SFSWAP: variants seen among roughly 807,000 people sequenced by gnomAD.
The protein encoded by SFSWAP is splicing factor SWAP.
A neutral mutation model predicts 100.7 loss-of-function variants in SFSWAP; 17 were observed. That is an observed-to-expected ratio of 0.17 (90% CI 0.12 to 0.25). The LOEUF is 0.25. Ranked by LOEUF, SFSWAP falls within the 10% of genes least tolerant of loss-of-function variation. SFSWAP has a pLI of 1.00. For synonymous variants in SFSWAP, 504 were observed against 510.1 expected (o/e 0.99, Z 0.16); for missense variants, 1,005 against 1,262.6 (o/e 0.80, Z 3.09).
At position 131,714,974 on chromosome 12, in the gene SFSWAP, A is replaced by G. The variant is rs1182867487; in HGVS notation, c.520+21A>G. 31 of 1,613,142 alleles carry G rather than the reference A, an allele frequency of 1.9e-5. No homozygotes were observed. The highest frequency in any genetic ancestry group is 2.5e-5 in the Non-Finnish European group (30 of 1,179,882). ...GAGAGGTGAGTGGGGAGCTGCCTGG[A>G]CTGCTGGTGTAGGGCTACACGTGTA... On this transcript the variant is annotated intron_variant, in intron 3 of 17. Transcript: ENST00000261674. This position sits in a 1 kb window ranked among gnomAD's most constrained non-coding sequence, Gnocchi z 6.0.
In SFSWAP at chr12:131,734,484, A is replaced by C. The variant is rs921095754; in HGVS notation, c.1081+6056A>C. On this transcript the variant is annotated intron_variant, in intron 7 of 17. Coordinates refer to ENST00000261674, the MANE Select transcript of SFSWAP (RefSeq NM_004592.4). This position sits in a 1 kb window ranked among gnomAD's most constrained non-coding sequence, Gnocchi z 4.9. Reference sequence around the variant, plus strand: ...CTCCCTGCTTGTAAGCCGGGGCCGCATTGTTGTGTTACCACACTTCTGTTT... The same window carrying C: ...CTCCCTGCTTGTAAGCCGGGGCCGCCTTGTTGTGTTACCACACTTCTGTTT... Among the ~76,000 whole-genome samples the C allele has an allele frequency of 6.6e-6, 1 of 152,268 alleles. No individual in the cohort carries two copies. Among genetic ancestry groups the C allele is most frequent in the Admixed American group, 6.5e-5 (1 of 15,300 alleles).
Position 131,714,503 on chromosome 12 carries a change from T to C in SFSWAP, c.388+263T>C. ...AACCAAACTCTTTAACTGTTCTTCTTTAACAGTATCGTATAAATAAAATTG... is the reference window on the plus strand; with the variant it reads ...AACCAAACTCTTTAACTGTTCTTCTCTAACAGTATCGTATAAATAAAATTG... On this transcript the variant is annotated intron_variant, in intron 2 of 17. Coordinates refer to ENST00000261674, the MANE Select transcript of SFSWAP (RefSeq NM_004592.4). The surrounding 1 kb of genome is among the most constrained non-coding windows in gnomAD (Gnocchi z 6.0). The C allele has an allele frequency of 2.0e-6, 1 of 490,202 alleles. No homozygotes were observed. Among genetic ancestry groups the C allele is most frequent in the South Asian group, 2.9e-5 (1 of 35,016 alleles). 30.4% of individuals were successfully genotyped at this position (490,202 alleles called of 1,614,324 possible).
At chr12:131,731,604 T>G (rs562640899) in intron 7 of SFSWAP, among the ~76,000 whole-genome samples, 1 of 152,330 alleles carries the variant, frequency 6.6e-6, no homozygotes, top group East Asian at 1.9e-4. Context: ...AATCAGTCAT[T>G]GATAACAGCA....
rs775230399 is a variant in SFSWAP, at chr12:131,714,101, T to C, written c.249T>C (p.Leu83=). Residue 83 remains leucine, a synonymous_variant, in exon 2 of 18, where the codon CTT becomes CTC. Transcript: ENST00000261674. The surrounding 1 kb of genome is among the most constrained non-coding windows in gnomAD (Gnocchi z 6.0). ...RYDGRGHLHD[L]SEYDAEYSTW... is the part of the protein sequence containing the mutation. ...ATGGACGTGGTCACCTGCATGACCT[T>C]TCTGAGTACGATGCTGAGTATTCCA... is the stretch of plus-strand genomic sequence containing the variant. 1 of 1,613,912 alleles carries C rather than the reference T, an allele frequency of 6.2e-7. No homozygotes were observed. Among genetic ancestry groups the C allele is most frequent in the South Asian group, 1.1e-5 (1 of 91,066 alleles).
chr12:131,771,650 C>CTTTTTT lies in SFSWAP; in HGVS notation c.2142+5359_2142+5364dup, dbSNP rs398021691. On this transcript the variant is annotated intron_variant, in intron 13 of 17. Transcript: ENST00000261674. ...ACACTGAGTCATTTTGCTAATGTCT[C>CTTTTTT]TTTTTTTTTTTTTTTTTTTTTTGAG... is the stretch of plus-strand genomic sequence containing the variant. 3.4e-3 allele frequency among the ~76,000 whole-genome samples: 289 copies of CTTTTTT among 86,100 alleles called. 7 individuals are homozygous for CTTTTTT. Among genetic ancestry groups the CTTTTTT allele is most frequent in the African/African-American group, 0.011 (274 of 24,406 alleles). The allele number at this position is 86,100 out of a possible 152,430, so 56.5% of individuals were successfully genotyped here.
At chr12:131,735,919 A>G (rs1879973086) in intron 7 of SFSWAP, among the ~76,000 whole-genome samples, 1 of 152,274 alleles carries the variant, frequency 6.6e-6, no homozygotes, top group Admixed American at 6.5e-5. Context: ...ATAAATTTTC[A>G]TCAAACACAT....
At chr12:131,735,243 G>T (rs1449788253) in intron 7 of SFSWAP, among the ~76,000 whole-genome samples, 1 of 152,146 alleles carries the variant, frequency 6.6e-6, no homozygotes, top group Admixed American at 6.5e-5. Flanking sequence ...ATCCCTACAC[G>T]CCCGCGCCTG....
rs773504515 is a variant in SFSWAP at position 131,725,380 on chromosome 12, C to T, written c.607-25C>T. 3.2e-6 allele frequency: 5 copies of T among 1,568,734 alleles called. No homozygotes were observed. Among genetic ancestry groups the T allele is most frequent in the East Asian group, 2.3e-5 (1 of 43,796 alleles). Reference sequence around the variant, plus strand: ...GGTGGACAAGAGGACAAATGGGTGACGTGAATATGTGTGTTTTCCCGTAGC... The same window carrying T: ...GGTGGACAAGAGGACAAATGGGTGATGTGAATATGTGTGTTTTCCCGTAGC... On this transcript the variant is annotated intron_variant, in intron 4 of 17. Coordinates refer to ENST00000261674, the MANE Select transcript of SFSWAP (RefSeq NM_004592.4). The surrounding 1 kb of genome is among the most constrained non-coding windows in gnomAD (Gnocchi z 4.3).
rs1240401484 is a variant in SFSWAP at position 131,753,295 on chromosome 12, C to T, written c.1254C>T (p.Thr418=). 8 of 1,612,396 alleles carry T rather than the reference C, an allele frequency of 5.0e-6. No individual in the cohort carries two copies. The highest frequency in any genetic ancestry group is 6.8e-6 in the Non-Finnish European group (8 of 1,178,606). The part of the protein sequence containing the change: ...VTTTAPPPPG[T]TPLPPPTTAE... ...CCACCGCCCCACCACCTCCTGGGAC[C>T]ACACCACTACCGCCCCCAACCACAG... The change falls in exon 8 of 18, where the codon ACC becomes ACT. Residue 418 remains threonine, a synonymous_variant. Coordinates refer to ENST00000261674, the MANE Select transcript of SFSWAP (RefSeq NM_004592.4).
Position 131,787,813 on chromosome 12 carries a change from C to T in SFSWAP, c.2534+1225C>T, listed in dbSNP as rs146332812. On this transcript the variant is annotated intron_variant, in intron 15 of 17. Coordinates refer to ENST00000261674, the MANE Select transcript of SFSWAP (RefSeq NM_004592.4). ...CCCCACAGCACCCTGGGCAAGAAGACCGTGCTGCGGTTGGCCTAGTACCAC... is the reference window on the plus strand; with the variant it reads ...CCCCACAGCACCCTGGGCAAGAAGATCGTGCTGCGGTTGGCCTAGTACCAC... Among the ~76,000 whole-genome samples the T allele has an allele frequency of 1.0e-3, 152 of 152,324 alleles. No individual in the cohort carries two copies. The Middle Eastern group carries it at 0.048, about 48-fold the overall frequency.
At chr12:131,791,409 T>G (rs949187465) in intron 15 of SFSWAP, among the ~76,000 whole-genome samples, 6 of 151,116 alleles carry the variant, frequency 4.0e-5, no homozygotes, top group Non-Finnish European at 7.4e-5. Context: ...AAACGAAACT[T>G]TTCCACCAAA....
chr12:131,797,524 A>T (rs1024685743), intron 16 of SFSWAP, among the ~76,000 whole-genome samples, 164 bp downstream of exon 16: 3 of 152,230 alleles, frequency 2.0e-5, no homozygotes, highest in African/African-American at 7.2e-5. Context: ...GTCGCCCTAG[A>T]TGTGGCTTCT....
Position 131,711,620 on chromosome 12 carries a change from G to A in SFSWAP, c.218+173G>A. 1 of 612,942 alleles carries A rather than the reference G, an allele frequency of 1.6e-6. No homozygotes were observed. The highest frequency in any genetic ancestry group is 2.9e-6 in the Non-Finnish European group (1 of 348,152). The allele number at this position is 612,942 out of a possible 1,614,324, so 38.0% of individuals were successfully genotyped here. A position where few individuals can be genotyped will look rare whatever the true frequency, so the allele number is the denominator to read the frequency against. On this transcript the variant is annotated intron_variant, in intron 1 of 17. Transcript: ENST00000261674. The surrounding 1 kb of genome is among the most constrained non-coding windows in gnomAD (Gnocchi z 4.9). ...TGGTGTTCTGGTGGGGAGGGGGACGGTGAAACCTGCCCTAAGGCACTGGCT... is the reference window on the plus strand; with the variant it reads ...TGGTGTTCTGGTGGGGAGGGGGACGATGAAACCTGCCCTAAGGCACTGGCT...
At chr12:131,763,998 C>CTGTACAGTA (rs1882895018) in intron 11 of SFSWAP, among the ~76,000 whole-genome samples, 2 of 152,110 alleles carry the variant, frequency 1.3e-5, no homozygotes, top group African/African-American at 4.8e-5. Context: ...TGGCAGCGGG[C>CTGTACAGTA]GCCTGTACTC....
chr12:131,780,373 A>G (rs1364501056), intron 14 of SFSWAP, among the ~76,000 whole-genome samples: 1 of 152,256 alleles, frequency 6.6e-6, no homozygotes, highest in East Asian at 1.9e-4. Flanking sequence ...ATTTGAGGCC[A>G]GGCACAATGG....
In SFSWAP at chr12:131,753,124, G is replaced by C; in HGVS notation, c.1083G>C (p.Ser361=). ...QPSQVEYTAD[S]TVAAMYYSYY... The stretch of plus-strand genomic sequence containing the variant: ...CTCCGGGGCAATGTGTCTCCACAGC[G>C]ACCGTGGCAGCCATGTATTACAGCT... The change falls in exon 8 of 18, where the codon TCG becomes TCC. Residue 361 remains serine, a splice_region_variant and synonymous_variant. Transcript: ENST00000261674. 6.2e-7 allele frequency: 1 copy of C among 1,614,082 alleles called. No homozygotes were observed. Among genetic ancestry groups the C allele is most frequent in the Non-Finnish European group, 8.5e-7 (1 of 1,180,018 alleles).
At chr12:131,798,891 GA>G (rs745708733) in intron 16 of SFSWAP, 145 bp from the exon 17 acceptor site, 78,629 of 496,174 alleles carry the variant, frequency 0.16, no homozygotes, top group South Asian at 0.21. Flanking sequence ...CTCTTGTCTG[GA>G]AAAAAAAAAA....
chr12:131,728,289 C>G lies in SFSWAP; in HGVS notation c.946-4C>G. ...TGCTAAGGCTGTGTCTTCTCTGTTT[C>G]CAGCCCTTGAAGGTAGTGGACCCAG... On this transcript the variant is annotated splice_region_variant and splice_polypyrimidine_tract_variant and intron_variant, in intron 6 of 17. Coordinates refer to ENST00000261674, the MANE Select transcript of SFSWAP (RefSeq NM_004592.4). The G allele has an allele frequency of 6.2e-7, 1 of 1,614,122 alleles. No homozygotes were observed. Among genetic ancestry groups the G allele is most frequent in the Non-Finnish European group, 8.5e-7 (1 of 1,179,984 alleles).
intron 11 of SFSWAP, among the ~76,000 whole-genome samples, chr12:131,763,736 A>G (rs892248397): frequency 1.3e-5 from 2 of 152,074 alleles, no homozygotes; most frequent in African/African-American, 4.8e-5. Flanking sequence ...ATCATGGGGA[A>G]TTTTTTAAAG....
Sources: gnomAD v4.1 joint callset for allele counts (sites outside exome capture counted in the v4.1 genomes callset) on GRCh38, gnomAD v4.1.1 for gene constraint, Gnocchi (gnomAD v3.1) non-coding constraint, MANE v1.5 for transcripts, NCBI Gene and HGNC (gene_info 2026-07-23, HGNC 2026-07-21) for gene names.